The following OLFM3 variants were observed in gnomAD, a reference collection of about 807,000 sequenced individuals.
OLFM3 encodes the protein olfactomedin 3.
A neutral mutation model predicts 48.6 loss-of-function variants in OLFM3; 20 were observed. The observed-to-expected ratio is 0.41, with a 90% CI of 0.29 to 0.60. The LOEUF is 0.60. Ranked by LOEUF, OLFM3 falls within the 20% of genes least tolerant of loss-of-function variation. OLFM3 has a pLI of 0.28. For synonymous variants in OLFM3, 222 were observed against 198.1 expected, an observed-to-expected ratio of 1.12 and a Z score of -1.01; for missense variants, 437 against 544.3, an observed-to-expected ratio of 0.80 and a Z score of 1.96.
intron 1 of OLFM3, among the ~76,000 whole-genome samples, chr1:101,851,442 G>A (rs1656217777): frequency 6.6e-6 from 1 of 152,152 alleles, no homozygotes; most frequent in Non-Finnish European, 1.5e-5. Flanking sequence ...CCAGCCAAAA[G>A]GAACAGACCA....
intron 1 of OLFM3, among the ~76,000 whole-genome samples, chr1:101,846,111 T>C (rs1655980286): frequency 6.6e-6 from 1 of 152,262 alleles, no homozygotes. Flanking sequence ...ATCAAACATG[T>C]TGCTCACTGA....
chr1:101,840,416 G>A lies in OLFM3; in HGVS notation c.70-3391C>T, dbSNP rs1293222556. On this transcript the variant is annotated intron_variant, in intron 1 of 5. Coordinates refer to ENST00000370103, the MANE Select transcript of OLFM3 (RefSeq NM_058170.4). The stretch of plus-strand genomic sequence containing the variant: ...TCAGCCAGTGAGTAGGGAGATTTGT[G>A]TAAATCTGCCTTTTAGGCAGACCTG... Among the ~76,000 whole-genome samples, 3 of 151,944 alleles carry A rather than the reference G, an allele frequency of 2.0e-5. No homozygotes were observed. The East Asian group carries it at 5.8e-4, about 30-fold the overall frequency.
At chr1:101,814,797 T>A (rs1326868639) in intron 4 of OLFM3, among the ~76,000 whole-genome samples, 1 of 152,182 alleles carries the variant, frequency 6.6e-6, no homozygotes. Context: ...ATTGAGAAGA[T>A]TAAATAAAAA....
intron 1 of OLFM3, among the ~76,000 whole-genome samples, chr1:101,992,536 G>A (rs765194584): frequency 2.0e-5 from 3 of 151,904 alleles, no homozygotes; most frequent in Non-Finnish European, 2.9e-5. Flanking sequence ...GTTATGAAGA[G>A]GATGTCTCTA....
chr1:101,887,395 G>A (rs1657804961), intron 1 of OLFM3, among the ~76,000 whole-genome samples: 1 of 151,822 alleles, frequency 6.6e-6, no homozygotes, highest in Non-Finnish European at 1.5e-5. Context: ...ATATGGAAAT[G>A]CAATTTATGG....
At chr1:101,938,352 G>T (rs984481584) in intron 1 of OLFM3, among the ~76,000 whole-genome samples, 1 of 152,124 alleles carries the variant, frequency 6.6e-6, no homozygotes, top group African/African-American at 2.4e-5. Flanking sequence ...TTACCTCTGA[G>T]TTTCTATCCT....
intron 1 of OLFM3, among the ~76,000 whole-genome samples, chr1:101,949,908 G>T (rs370237719): frequency 1.6e-5 from 2 of 128,160 alleles, no homozygotes; most frequent in South Asian, 2.7e-4. Context: ...CTCCAGCCTG[G>T]GCAACAGAGC....
intron 1 of OLFM3, among the ~76,000 whole-genome samples, chr1:101,936,113 C>T (rs1324374716): frequency 6.6e-6 from 1 of 152,068 alleles, no homozygotes; most frequent in East Asian, 1.9e-4. Flanking sequence ...TACTGGAAGT[C>T]CTAGCCAGGG....
At position 101,945,775 on chromosome 1, in the gene OLFM3, C is replaced by T. The variant is rs182307868; in HGVS notation, c.69+50973G>A. On this transcript the variant is annotated intron_variant, in intron 1 of 5. Coordinates refer to ENST00000370103, the MANE Select transcript of OLFM3 (RefSeq NM_058170.4). Reference sequence around the variant, plus strand: ...TCAGCCTAGGCAGCATAGTGAGACACCTTCTATAGTAAAAGAAATGTGTTA... The same window carrying T: ...TCAGCCTAGGCAGCATAGTGAGACATCTTCTATAGTAAAAGAAATGTGTTA... 3.8e-3 allele frequency among the ~76,000 whole-genome samples: 573 copies of T among 151,996 alleles called. 4 individuals carry two copies. Among genetic ancestry groups the T allele is most frequent in the African/African-American group, 0.013 (529 of 41,444 alleles).
At chr1:101,991,746 G>C (rs577626208) in intron 1 of OLFM3, among the ~76,000 whole-genome samples, 1 of 149,818 alleles carries the variant, frequency 6.7e-6, no homozygotes, top group Non-Finnish European at 1.5e-5. Flanking sequence ...CTCTTCAGGG[G>C]AGCAATGTTT....
intron 1 of OLFM3, among the ~76,000 whole-genome samples, chr1:101,941,166 C>T (rs1451949050): frequency 6.6e-6 from 1 of 152,106 alleles, no homozygotes; most frequent in Non-Finnish European, 1.5e-5. Context: ...CAAGGTTTGA[C>T]GGAGGTCCAT....
chr1:101,809,088 A>T (rs540478355), intron 4 of OLFM3, among the ~76,000 whole-genome samples: 1 of 151,784 alleles, frequency 6.6e-6, no homozygotes, highest in East Asian at 1.9e-4. Flanking sequence ...GGCATCTAGG[A>T]TCAATCTAGA....
chr1:101,983,400 T>C (rs1661153465), intron 1 of OLFM3, among the ~76,000 whole-genome samples: 1 of 152,246 alleles, frequency 6.6e-6, no homozygotes, highest in Non-Finnish European at 1.5e-5. Context: ...CATTCTCTCC[T>C]TGTGTCTTAT....
At chr1:101,996,656 C>T in intron 1 of OLFM3, 92 bp downstream of exon 1, 4 of 1,318,860 alleles carry the variant, frequency 3.0e-6, no homozygotes, top group East Asian at 4.6e-5. Context: ...AGCTGTCTCT[C>T]GTCCCGTTTT....
intron 1 of OLFM3, among the ~76,000 whole-genome samples, chr1:101,843,485 C>T (rs1655831796): frequency 6.6e-6 from 1 of 152,068 alleles, no homozygotes; most frequent in Admixed American, 6.5e-5. Flanking sequence ...AAACCAATGC[C>T]TCCAAAGGCT....
In OLFM3 at chr1:101,946,290, A is replaced by T. The variant is rs554530180; in HGVS notation, c.69+50458T>A. ...TGTGAATATGTTAATGACACAAATA[A>T]CACTTATGTGTTAGACATAATTTAT... On this transcript the variant is annotated intron_variant, in intron 1 of 5. Coordinates refer to ENST00000370103, the MANE Select transcript of OLFM3 (RefSeq NM_058170.4). Among the ~76,000 whole-genome samples, 151 of 152,354 alleles carry T rather than the reference A, an allele frequency of 9.9e-4. 1 individual carries two copies. Among genetic ancestry groups the T allele is most frequent in the African/African-American group, 3.4e-3 (142 of 41,586 alleles).
chr1:101,820,007 A>G (rs1053952272), intron 4 of OLFM3, among the ~76,000 whole-genome samples: 2 of 152,096 alleles, frequency 1.3e-5, no homozygotes, highest in Non-Finnish European at 2.9e-5. Flanking sequence ...CTAAAATATA[A>G]CCTTGACAGG....
At chr1:101,956,342 T>C (rs1371310917) in intron 1 of OLFM3, among the ~76,000 whole-genome samples, 1 of 151,774 alleles carries the variant, frequency 6.6e-6, no homozygotes, top group Non-Finnish European at 1.5e-5. Flanking sequence ...TCTCTTATTA[T>C]TCATTCCCAC....
chr1:101,846,605 C>T (rs1260836856), intron 1 of OLFM3, among the ~76,000 whole-genome samples: 1 of 151,752 alleles, frequency 6.6e-6, no homozygotes, highest in Non-Finnish European at 1.5e-5. Flanking sequence ...AGCTTTTCAC[C>T]CTTAAGAATT....
Sources: gnomAD v4.1 joint callset for allele counts (sites outside exome capture counted in the v4.1 genomes callset) on GRCh38, gnomAD v4.1.1 for gene constraint, MANE v1.5 for transcripts, NCBI Gene and HGNC (gene_info 2026-07-23, HGNC 2026-07-21) for gene names.